The following FREM2 variants were observed in gnomAD, a reference collection of about 807,000 sequenced individuals.
FREM2 encodes the protein FRAS1-related extracellular matrix protein 2.
A neutral mutation model predicts 219.9 loss-of-function variants in FREM2; 119 were observed. The ratio of observed to expected loss-of-function variants is 0.54; its 90% CI spans 0.47 to 0.63. FREM2 has a LOEUF of 0.63. Among genes scored for constraint, FREM2 ranks in the 30% least tolerant of loss-of-function variants. The pLI is 0.00. For synonymous variants in FREM2, 1,562 were observed against 1,522.8 expected (o/e 1.03, Z -0.60); for missense variants, 4,030 against 3,993.6 (o/e 1.01, Z -0.25).
chr13:38,858,883 G>T (rs1043255418), intron 13 of FREM2, among the ~76,000 whole-genome samples: 1 of 151,364 alleles, frequency 6.6e-6, no homozygotes, highest in Non-Finnish European at 1.5e-5. Context: ...GAGAAGTGCT[G>T]CTGGAAATGG....
chr13:38,759,505 A>G (rs1873148413), intron 2 of FREM2, among the ~76,000 whole-genome samples: 1 of 151,966 alleles, frequency 6.6e-6, no homozygotes, highest in Non-Finnish European at 1.5e-5. Flanking sequence ...AAGTCTAAAG[A>G]CCAGCTGGAT....
chr13:38,812,947 C>T (rs988299053), intron 6 of FREM2, among the ~76,000 whole-genome samples: 4 of 151,380 alleles, frequency 2.6e-5, no homozygotes, highest in African/African-American at 9.7e-5. Context: ...AAACCTCTAC[C>T]GTTTAACTTC....
intron 6 of FREM2, among the ~76,000 whole-genome samples, chr13:38,824,155 T>C (rs747153781): frequency 2.0e-5 from 3 of 152,104 alleles, no homozygotes; most frequent in Non-Finnish European, 4.4e-5. Flanking sequence ...AGATATGTTA[T>C]GATGATTTTA....
intron 3 of FREM2, among the ~76,000 whole-genome samples, chr13:38,766,667 A>T (rs1873448617): frequency 1.3e-5 from 2 of 152,244 alleles, no homozygotes; most frequent in Admixed American, 1.3e-4. Flanking sequence ...GTAGATGTAT[A>T]TTCTCAAAGA....
chr13:38,777,602 G>C (rs1176590944), intron 4 of FREM2, among the ~76,000 whole-genome samples: 2 of 152,186 alleles, frequency 1.3e-5, no homozygotes, highest in African/African-American at 4.8e-5. Context: ...ATAGAGCTTA[G>C]CAAATAATGA....
rs1566103971 is a variant in FREM2, at chr13:38,689,712, G to C, written c.2368G>C (p.Gly790Arg). 2 of 1,613,860 alleles carry C rather than the reference G, an allele frequency of 1.2e-6. No homozygotes were observed. Among genetic ancestry groups the C allele is most frequent in the Non-Finnish European group, 1.7e-6 (2 of 1,179,924 alleles). ...TCATAAAATTGCTTACAGACCCCCG[G>C]GTCAAGAACTGGGCGTGGCTACTCG... Reference protein sequence around the residue: ...NHHKIAYRPPGQELGVATRVA... With the variant: ...NHHKIAYRPPRQELGVATRVA... The change falls in exon 1 of 24, where the codon GGT becomes CGT. Residue 790 changes from glycine (G) to arginine (R), a missense_variant. By Grantham distance (125) the Gly-to-Arg change is moderately radical. Transcript: ENST00000280481.
chr13:38,731,276 T>C (rs2496449), intron 2 of FREM2, among the ~76,000 whole-genome samples: 82,660 of 152,082 alleles, frequency 0.54, 25,814 homozygotes, highest in Non-Finnish European at 0.69. Flanking sequence ...ATCAAGAAAA[T>C]TAAAATGACA....
chr13:38,711,018 T>C (rs983975154), intron 2 of FREM2, among the ~76,000 whole-genome samples: 1 of 152,232 alleles, frequency 6.6e-6, no homozygotes, highest in Admixed American at 6.5e-5. Flanking sequence ...TGTAGAGATA[T>C]CACTTCCAGA....
At chr13:38,812,535 A>G (rs754799303) in intron 6 of FREM2, among the ~76,000 whole-genome samples, 4 of 152,160 alleles carry the variant, frequency 2.6e-5, no homozygotes, top group Non-Finnish European at 4.4e-5. Flanking sequence ...ACTAATGACA[A>G]CAACACTGAT....
chr13:38,856,341 A>C, intron 12 of FREM2, 85 bp downstream of exon 12: 1 of 1,246,890 alleles, frequency 8.0e-7, no homozygotes, highest in Non-Finnish European at 1.2e-6. Flanking sequence ...TGTACAACAA[A>C]ATGAGGAGAC....
chr13:38,799,255 ATGTATT>A (rs762329664), intron 6 of FREM2, among the ~76,000 whole-genome samples: 6 of 151,630 alleles, frequency 4.0e-5, no homozygotes, highest in Non-Finnish European at 7.4e-5. Context: ...TTTAATTTTC[ATGTATT>A]TGTATAGGTT....
intron 3 of FREM2, among the ~76,000 whole-genome samples, chr13:38,769,031 A>T (rs574774079): frequency 6.6e-6 from 1 of 152,178 alleles, no homozygotes; most frequent in Non-Finnish European, 1.5e-5. Context: ...AAAAACACTG[A>T]ATTACATTTT....
intron 2 of FREM2, among the ~76,000 whole-genome samples, chr13:38,700,860 G>A (rs1217794203): frequency 6.6e-6 from 1 of 152,058 alleles, no homozygotes; most frequent in Non-Finnish European, 1.5e-5. Context: ...AGTCAGAGTA[G>A]GATCTGCTTT....
At chr13:38,743,213 A>G (rs938298336) in intron 2 of FREM2, among the ~76,000 whole-genome samples, 3 of 152,160 alleles carry the variant, frequency 2.0e-5, no homozygotes, top group South Asian at 2.1e-4. Context: ...TGCTTGGCAT[A>G]TTTGAGTAAG....
intron 6 of FREM2, among the ~76,000 whole-genome samples, chr13:38,790,223 C>T (rs539558408): frequency 6.8e-4 from 103 of 152,274 alleles, no homozygotes; most frequent in Non-Finnish European, 1.2e-3. Flanking sequence ...TATTCTAACT[C>T]ACACATCTCC....
At position 38,881,739 on chromosome 13, in the gene FREM2, G is replaced by C. The variant is rs749079249; in HGVS notation, c.*952G>C. On this transcript the variant is annotated 3_prime_UTR_variant, in exon 24 of 24. Coordinates refer to ENST00000280481, the MANE Select transcript of FREM2 (RefSeq NM_207361.6). ...TTACAGATGGTGAAGGGAGAAAGTG[G>C]TATTTATTAATATAATGTGTATAAT... The C allele has an allele frequency of 6.6e-6, 1 of 152,526 alleles. No homozygotes were observed. Among genetic ancestry groups the C allele is most frequent in the South Asian group, 2.1e-4 (1 of 4,812 alleles). The allele number at this position is 152,526 out of a possible 1,614,324, so 9.4% of individuals were successfully genotyped here. A position where few individuals can be genotyped will look rare whatever the true frequency, so the allele number is the denominator to read the frequency against.
chr13:38,731,388 G>A (rs1318725307), intron 2 of FREM2, among the ~76,000 whole-genome samples: 2 of 152,190 alleles, frequency 1.3e-5, no homozygotes, highest in Non-Finnish European at 2.9e-5. Context: ...TAAGATACCA[G>A]TGAATATTGG....
intron 2 of FREM2, among the ~76,000 whole-genome samples, chr13:38,709,561 T>C (rs1393752351): frequency 6.6e-6 from 1 of 152,100 alleles, no homozygotes; most frequent in African/African-American, 2.4e-5. Context: ...ATTATGTAGA[T>C]GCATATATAT....
chr13:38,688,474 G>T lies in FREM2; in HGVS notation c.1130G>T (p.Ser377Ile), dbSNP rs1171421240. 6.2e-7 allele frequency: 1 copy of T among 1,614,038 alleles called. No individual in the cohort carries two copies. The highest frequency in any genetic ancestry group is 1.1e-5 in the South Asian group (1 of 91,082). The change falls in exon 1 of 24, where the codon AGC becomes ATC. Residue 377 changes from serine to isoleucine, a missense_variant. Ser to Ile is a moderately radical substitution (Grantham distance 142). This residue lies in a region of FREM2 where 3,102 missense variants were observed against 2,950.7 expected (regional missense o/e 1.05). Coordinates refer to ENST00000280481, the MANE Select transcript of FREM2 (RefSeq NM_207361.6). ...TACTTGGTGAGCACCGATGATCGCAGCCTGCCCCTTTCCTCCTTCACTCAG... is the reference window on the plus strand; with the variant it reads ...TACTTGGTGAGCACCGATGATCGCATCCTGCCCCTTTCCTCCTTCACTCAG... ...QGYLVSTDDRSLPLSSFTQRD... is the reference protein window; with the variant it reads ...QGYLVSTDDRILPLSSFTQRD...
Sources: allele counts gnomAD v4.1 joint callset (sites outside exome capture counted in the v4.1 genomes callset), GRCh38; gene constraint gnomAD v4.1.1; regional missense constraint gnomAD v4.1.1; transcripts MANE v1.5; gene names NCBI Gene and HGNC (gene_info 2026-07-23, HGNC 2026-07-21).